CD86: variants seen among roughly 807,000 people sequenced by gnomAD.
CD86 encodes the protein T-lymphocyte activation antigen CD86.
CD86 carries 11 observed loss-of-function variants against 32.1 expected under a neutral mutation model. The observed-to-expected ratio is 0.34, with a 90% CI of 0.22 to 0.57. CD86 has a LOEUF of 0.57. Among genes scored for constraint, CD86 ranks in the 20% least tolerant of loss-of-function variants. The pLI, the probability that CD86 is intolerant of heterozygous loss-of-function variation, is 0.86. For missense variants in CD86, 359 were observed against 398.4 expected, an observed-to-expected ratio of 0.90 and a Z score of 0.84; for synonymous variants, 137 against 135.3, an observed-to-expected ratio of 1.01 and a Z score of -0.09.
intron 1 of CD86, among the ~76,000 whole-genome samples, chr3:122,061,317 A>C (rs1417780841): frequency 3.3e-5 from 5 of 152,246 alleles, no homozygotes; most frequent in African/African-American, 1.2e-4. Context: ...AATACAAATG[A>C]AATTGCTGAT....
chr3:122,070,115 A>G (rs1329124024), intron 1 of CD86, among the ~76,000 whole-genome samples: 3 of 152,162 alleles, frequency 2.0e-5, no homozygotes, highest in Non-Finnish European at 4.4e-5. Context: ...GAGATAGTGA[A>G]GACAGACAGT....
intron 1 of CD86, among the ~76,000 whole-genome samples, chr3:122,088,182 C>CTTTTTTTTTTTTTTTTTTT (rs60476471): frequency 1.8e-5 from 2 of 113,358 alleles, no homozygotes. Context: ...AAAGGGCCCT[C>CTTTTTTTTTTTTTTTTTTT]TTTTTTTTTT....
At chr3:122,058,220 A>G (rs991805652) in intron 1 of CD86, among the ~76,000 whole-genome samples, 4 of 152,200 alleles carry the variant, frequency 2.6e-5, no homozygotes, top group African/African-American at 9.7e-5. Flanking sequence ...GAATGGAGGA[A>G]GGTTTTTTCC....
intron 1 of CD86, among the ~76,000 whole-genome samples, chr3:122,084,390 G>T (rs2107520178): frequency 1.3e-5 from 2 of 152,348 alleles, no homozygotes; most frequent in South Asian, 4.1e-4. Flanking sequence ...AGGCCATGCA[G>T]TCTCCATCAT....
chr3:122,084,002 T>C (rs1482616142), intron 1 of CD86, among the ~76,000 whole-genome samples: 1 of 152,220 alleles, frequency 6.6e-6, no homozygotes, highest in Non-Finnish European at 1.5e-5. Context: ...ATTCTTTTTT[T>C]CTGAGATGGA....
At chr3:122,112,518 T>C (rs1559913990) in intron 5 of CD86, among the ~76,000 whole-genome samples, 1 of 152,168 alleles carries the variant, frequency 6.6e-6, no homozygotes, top group Non-Finnish European at 1.5e-5. Flanking sequence ...GTTTTCACCA[T>C]GTTGGCCAGG....
At position 122,091,657 on chromosome 3, in the gene CD86, AC is replaced by A; in HGVS notation, c.64+9del. 1 of 1,611,022 alleles carries A rather than the reference AC, an allele frequency of 6.2e-7. No individual in the cohort carries two copies. ...ATGGCCTTCCTGCTCTCTGGTAAGA[AC>A]CTTTCAGCTTTGTTAAGTCCTGGAA... is the stretch of plus-strand genomic sequence containing the variant. On this transcript the variant is annotated splice_region_variant and intron_variant, in intron 2 of 6. Coordinates refer to ENST00000330540, the MANE Select transcript of CD86 (RefSeq NM_175862.5).
rs1374659487 is a variant in CD86 at position 122,106,389 on chromosome 3, G to A, written c.592G>A (p.Asp198Asn). The change falls in exon 4 of 7, where the codon GAC (aspartate) becomes AAC (asparagine). Residue 198 changes from aspartate (D) to asparagine (N), a missense_variant. By Grantham distance (23) the Asp-to-Asn change is conservative (BLOSUM62 1). Transcript: ENST00000330540. ...TCAAGATAATGTCACAGAACTGTAC[G>A]ACGTTTCCATCAGCTTGTCTGTTTC... The part of the protein sequence containing the change: ...KSQDNVTELY[D>N]VSISLSVSFP... The A allele has an allele frequency of 2.8e-5, 45 of 1,613,888 alleles. 1 individual carries two copies. The highest frequency in any genetic ancestry group is 3.5e-5 in the Non-Finnish European group (41 of 1,179,878).
At chr3:122,071,847 G>A (rs1339801420) in intron 1 of CD86, among the ~76,000 whole-genome samples, 1 of 150,282 alleles carries the variant, frequency 6.7e-6, no homozygotes, top group Admixed American at 6.6e-5. Flanking sequence ...TTTAGCATTA[G>A]GAGGTAAATC....
At chr3:122,112,567 C>T (rs1214765028) in intron 5 of CD86, among the ~76,000 whole-genome samples, 1 of 152,030 alleles carries the variant, frequency 6.6e-6, no homozygotes, top group Non-Finnish European at 1.5e-5. Context: ...CGTTTTTAAC[C>T]AACATTTAAA....
intron 3 of CD86, 98 bp downstream of exon 3, chr3:122,103,945 G>A: frequency 1.1e-6 from 1 of 938,796 alleles, no homozygotes; most frequent in Non-Finnish European, 1.6e-6. Context: ...GGGGCCCAGG[G>A]GAAAAGGGGG....
chr3:122,083,464 C>T (rs1003842839), intron 1 of CD86, among the ~76,000 whole-genome samples: 1 of 152,174 alleles, frequency 6.6e-6, no homozygotes, highest in African/African-American at 2.4e-5. Flanking sequence ...TTCCTGTCAA[C>T]TCCCAAGCCC....
intron 5 of CD86, among the ~76,000 whole-genome samples, chr3:122,116,250 A>G (rs909775607): frequency 2.0e-5 from 3 of 152,252 alleles, no homozygotes; most frequent in African/African-American, 4.8e-5. Flanking sequence ...TATATCTGAT[A>G]AAGGACTTGT....
At chr3:122,067,606 C>T (rs549567910) in intron 1 of CD86, among the ~76,000 whole-genome samples, 2 of 152,336 alleles carry the variant, frequency 1.3e-5, no homozygotes, top group Admixed American at 6.5e-5. Context: ...ATTTTATCTG[C>T]AGTCCACCAA....
intron 3 of CD86, among the ~76,000 whole-genome samples, chr3:122,105,156 T>C (rs2073071441): frequency 6.6e-6 from 1 of 152,228 alleles, no homozygotes; most frequent in South Asian, 2.1e-4. Flanking sequence ...TCAGGTACCA[T>C]TGGAAATGTT....
chr3:122,059,425 A>G (rs992819611), intron 1 of CD86, among the ~76,000 whole-genome samples: 1 of 152,068 alleles, frequency 6.6e-6, no homozygotes, highest in African/African-American at 2.4e-5. Flanking sequence ...AGTCCCAGCT[A>G]CTTGGGAGAC....
intron 1 of CD86, among the ~76,000 whole-genome samples, chr3:122,073,425 A>G (rs1170673737): frequency 1.3e-5 from 2 of 152,054 alleles, no homozygotes; most frequent in South Asian, 2.1e-4. Flanking sequence ...CCAGCCCTTT[A>G]TCAGATATAT....
At chr3:122,081,683 T>C (rs1401785469) in intron 1 of CD86, among the ~76,000 whole-genome samples, 2 of 152,182 alleles carry the variant, frequency 1.3e-5, no homozygotes, top group African/African-American at 4.8e-5. Context: ...AGTGGGAGTA[T>C]CAGAATGAGT....
intron 6 of CD86, among the ~76,000 whole-genome samples, chr3:122,118,743 C>G (rs561768762): frequency 1.4e-4 from 21 of 152,278 alleles, no homozygotes; most frequent in Middle Eastern, 3.4e-3. Context: ...GAGACCATAC[C>G]AGTTAAGCTC....
Sources: gnomAD v4.1 joint callset for allele counts (sites outside exome capture counted in the v4.1 genomes callset) on GRCh38, gnomAD v4.1.1 for gene constraint, MANE v1.5 for transcripts, NCBI Gene and HGNC (gene_info 2026-07-23, HGNC 2026-07-21) for gene names.